Variants in DOCK10 observed in about 807,000 individuals in gnomAD.
DOCK10 encodes dedicator of cytokinesis protein 10.
A neutral mutation model predicts 280.1 loss-of-function variants in DOCK10; 145 were observed. That is an observed-to-expected ratio of 0.52 (90% CI 0.45 to 0.59). DOCK10 has a LOEUF of 0.59. Ranked by LOEUF, DOCK10 falls within the 20% of genes least tolerant of loss-of-function variation. The probability of loss-of-function intolerance (pLI) is 0.00; values close to 1 mark genes in which losing one functional copy is unlikely to be tolerated. For synonymous variants in DOCK10, 915 were observed against 942.2 expected (o/e 0.97, Z 0.53); for missense variants, 2,368 against 2,651.7 (o/e 0.89, Z 2.35).
At chr2:224,885,941 C>T in intron 6 of DOCK10, 122 bp downstream of exon 6, 11 of 1,497,240 alleles carry the variant, frequency 7.3e-6, no homozygotes, top group East Asian at 2.3e-5. Flanking sequence ...CCTACTTCCT[C>T]ATAAATAAAA....
chr2:224,905,732 C>T (rs367764931), intron 3 of DOCK10, among the ~76,000 whole-genome samples: 20 of 152,246 alleles, frequency 1.3e-4, no homozygotes, highest in Middle Eastern at 3.4e-3. Flanking sequence ...CACTTTCTCT[C>T]GCTATTGACC....
intron 1 of DOCK10, among the ~76,000 whole-genome samples, chr2:225,036,395 G>T (rs906703701): frequency 1.3e-5 from 2 of 152,152 alleles, no homozygotes; most frequent in Admixed American, 6.5e-5. Context: ...TCAAATAGTT[G>T]CAGAATAAAC....
At chr2:225,016,019 C>T (rs1298924542) in intron 1 of DOCK10, among the ~76,000 whole-genome samples, 1 of 152,136 alleles carries the variant, frequency 6.6e-6, no homozygotes, top group East Asian at 1.9e-4. Flanking sequence ...AGAGTTTTTG[C>T]TAGGCCTAAA....
In DOCK10 at chr2:224,975,323, A is replaced by G. The variant is rs1015897575; in HGVS notation, c.124-43655T>C. On this transcript the variant is annotated intron_variant, in intron 1 of 55. Coordinates refer to ENST00000258390, the MANE Select transcript of DOCK10 (RefSeq NM_014689.3). ...TTAGTTCACAAGGGAAAATACCTCC[A>G]AAGATTCTATGTGCTTTAAAGCTCC... Among the ~76,000 whole-genome samples, 3 of 152,176 alleles carry G rather than the reference A, an allele frequency of 2.0e-5. No homozygotes were observed. In the East Asian group the frequency reaches 5.8e-4, roughly 29 times the overall value.
rs375999463 is a variant in DOCK10, at chr2:224,849,616, G to A, written c.2143-17C>T. ...ATAAATACACTGTTTGAAAAGTTATGAGTTGAACAATTATGAGTGTCTGAA... is the reference window on the plus strand; with the variant it reads ...ATAAATACACTGTTTGAAAAGTTATAAGTTGAACAATTATGAGTGTCTGAA... On this transcript the variant is annotated splice_polypyrimidine_tract_variant and intron_variant, in intron 18 of 55. Transcript: ENST00000258390. The A allele has an allele frequency of 6.8e-5, 104 of 1,540,678 alleles. 1 individual carries two copies. The highest frequency in any genetic ancestry group is 1.6e-4 in the Admixed American group (9 of 55,370).
chr2:224,920,635 T>C (rs1394781255), intron 2 of DOCK10, among the ~76,000 whole-genome samples: 1 of 146,852 alleles, frequency 6.8e-6, no homozygotes, highest in Non-Finnish European at 1.5e-5. Flanking sequence ...TATAATCTAC[T>C]GGGAACATTA....
intron 1 of DOCK10, among the ~76,000 whole-genome samples, chr2:224,988,763 A>G (rs1390787551): frequency 2.0e-5 from 3 of 152,226 alleles, no homozygotes; most frequent in Non-Finnish European, 2.9e-5. Context: ...GCATTTTGGT[A>G]GGAATTGAAA....
At chr2:224,915,231 A>G (rs1559748391) in intron 3 of DOCK10, among the ~76,000 whole-genome samples, 1 of 152,192 alleles carries the variant, frequency 6.6e-6, no homozygotes, top group Admixed American at 6.5e-5. Context: ...CTGGTATAAA[A>G]AATTATTTGC....
At chr2:224,849,734 A>G (rs763331939) in intron 18 of DOCK10, 135 bp from the exon 19 acceptor site, 9 of 632,968 alleles carry the variant, frequency 1.4e-5, no homozygotes, top group East Asian at 5.5e-5. Context: ...CTAAGCTGGC[A>G]TCTAATTAAC....
intron 1 of DOCK10, among the ~76,000 whole-genome samples, chr2:225,000,790 G>C (rs533433325): frequency 1.3e-5 from 2 of 152,154 alleles, no homozygotes; most frequent in Non-Finnish European, 2.9e-5. Context: ...GACCAGTCTG[G>C]CCTGGTGAAA....
In DOCK10 at chr2:224,844,771, T is replaced by C. The variant is rs1696218687; in HGVS notation, c.2550A>G (p.Val850=). 2.5e-6 allele frequency: 4 copies of C among 1,598,954 alleles called. No individual in the cohort carries two copies. Among genetic ancestry groups the C allele is most frequent in the East Asian group, 2.2e-5 (1 of 44,606 alleles). The part of the protein sequence containing the change: ...KPLFKVSTFV[V]STVNTQDPHV... ...TACTCACCTGAGTATTTACTGTTGATACAACAAATGTCGACACTTTGAAAA... is the reference window on the plus strand; with the variant it reads ...TACTCACCTGAGTATTTACTGTTGACACAACAAATGTCGACACTTTGAAAA... Residue 850 remains valine, a synonymous_variant, in exon 22 of 56, where the codon GTA becomes GTG. Transcript: ENST00000258390.
intron 2 of DOCK10, 108 bp downstream of exon 2, chr2:224,931,441 G>A: frequency 8.0e-7 from 1 of 1,242,350 alleles, no homozygotes; most frequent in Non-Finnish European, 1.1e-6. Context: ...AGACTGAGAT[G>A]TAGGGTGGCC....
chr2:224,900,050 A>G (rs534669401), intron 3 of DOCK10, among the ~76,000 whole-genome samples: 43 of 152,240 alleles, frequency 2.8e-4, no homozygotes, highest in East Asian at 3.9e-4. Flanking sequence ...CTATCTCCAC[A>G]CTTTCTGATC....
intron 4 of DOCK10, among the ~76,000 whole-genome samples, chr2:224,894,685 G>C (rs1398105141): frequency 6.6e-6 from 1 of 152,186 alleles, no homozygotes; most frequent in African/African-American, 2.4e-5. Flanking sequence ...AAGTCAAAAA[G>C]AATGCTCAAA....
chr2:224,855,698 G>T (rs1252259212), intron 15 of DOCK10, among the ~76,000 whole-genome samples: 1 of 152,140 alleles, frequency 6.6e-6, no homozygotes, highest in African/African-American at 2.4e-5. Flanking sequence ...AGTGGAAGCT[G>T]CTGGTAACAG....
intron 1 of DOCK10, among the ~76,000 whole-genome samples, chr2:224,935,743 C>T (rs1233613290): frequency 1.3e-5 from 2 of 152,084 alleles, no homozygotes; most frequent in Non-Finnish European, 2.9e-5. Context: ...TTAATGTTCA[C>T]TAGTCAGGGA....
chr2:224,910,362 G>GTCT (rs959090213), intron 3 of DOCK10, among the ~76,000 whole-genome samples: 3 of 152,200 alleles, frequency 2.0e-5, no homozygotes, highest in African/African-American at 7.2e-5. Flanking sequence ...AAGACTCAGA[G>GTCT]AAGTTTTCTT....
intron 3 of DOCK10, among the ~76,000 whole-genome samples, chr2:224,915,417 C>G (rs1016769376): frequency 1.3e-5 from 2 of 152,012 alleles, no homozygotes. Context: ...TTTCTATCTC[C>G]TTAAAAGGTA....
In DOCK10 at chr2:224,932,974, A is replaced by G. The variant is rs889933090; in HGVS notation, c.124-1306T>C. 5.5e-5 allele frequency among the ~76,000 whole-genome samples: 8 copies of G among 145,348 alleles called. No homozygotes were observed. The East Asian group carries it at 5.8e-4, about 10-fold the overall frequency. On this transcript the variant is annotated intron_variant, in intron 1 of 55. Transcript: ENST00000258390. ...GGTCATCATATACTTTCTACATTAG[A>G]AAAAAAAACCCAGCTCACTTCACAA...
Sources: allele counts gnomAD v4.1 joint callset (sites outside exome capture counted in the v4.1 genomes callset), GRCh38; gene constraint gnomAD v4.1.1; transcripts MANE v1.5; gene names NCBI Gene and HGNC (gene_info 2026-07-23, HGNC 2026-07-21).